ANGPTL4: variants seen among roughly 807,000 people sequenced by gnomAD.
ANGPTL4 encodes the protein angiopoietin-related protein 4.
In ANGPTL4, 39 loss-of-function variants were observed where a neutral mutation model predicts 39.2. The observed-to-expected ratio is 1.00, with a 90% confidence interval of 0.77 to 1.30. ANGPTL4 has a LOEUF of 1.30. Ranked by LOEUF, ANGPTL4 falls within the 50% of genes most tolerant of loss-of-function variation. The probability of loss-of-function intolerance (pLI) is 0.00; values close to 1 mark genes in which losing one functional copy is unlikely to be tolerated. For synonymous variants in ANGPTL4, 233 were observed against 229.5 expected (o/e 1.02, Z -0.14); for missense variants, 545 against 549.8 (o/e 0.99, Z 0.09).
At position 8,371,349 on chromosome 19, in the gene ANGPTL4, TCTC is replaced by T. The variant is rs752633223; in HGVS notation, c.868_870del (p.Ser290del). On this transcript the variant is annotated inframe_deletion, in exon 6 of 7. Coordinates refer to ENST00000301455, the MANE Select transcript of ANGPTL4 (RefSeq NM_139314.3). The surrounding 1 kb of genome is among the most constrained non-coding windows in gnomAD (Gnocchi z 5.1). ...GATGGCAACGCCGAGTTGCTGCAGT[TCTC>T]CGTGCACCTGGGTGGCGAGGACACG... 1.2e-6 allele frequency: 2 copies of T among 1,613,708 alleles called. No homozygotes were observed. Among genetic ancestry groups the T allele is most frequent in the Non-Finnish European group, 1.7e-6 (2 of 1,180,020 alleles).
Position 8,371,008 on chromosome 19 carries a change from T to C in ANGPTL4, c.662-48T>C, listed in dbSNP as rs1411166177. On this transcript the variant is annotated intron_variant, in intron 4 of 6. Transcript: ENST00000301455. This position sits in a 1 kb window ranked among gnomAD's most constrained non-coding sequence, Gnocchi z 5.1. ...TTGGCAGCCAGATGAGGGAGTGGGG[T>C]CGTCTGTGAAGAGGGACTTCCTGGT... is the stretch of plus-strand genomic sequence containing the variant. 6.5e-7 allele frequency: 1 copy of C among 1,549,330 alleles called. No homozygotes were observed. Among genetic ancestry groups the C allele is most frequent in the East Asian group, 2.4e-5 (1 of 41,066 alleles).
chr19:8,372,176 C>G (rs774092063), intron 6 of ANGPTL4, among the ~76,000 whole-genome samples: 1 of 151,852 alleles, frequency 6.6e-6, no homozygotes, highest in South Asian at 2.1e-4. Flanking sequence ...CCTGCCTCAG[C>G]CTCCTGAGTA....
intron 2 of ANGPTL4, 48 bp downstream of exon 2, chr19:8,366,112 C>G: frequency 1.9e-6 from 3 of 1,606,306 alleles, no homozygotes; most frequent in Non-Finnish European, 2.6e-6. Context: ...AGCTGGACCC[C>G]AGGTTGAGAG....
chr19:8,366,630 G>A (rs1294910095), intron 3 of ANGPTL4, among the ~76,000 whole-genome samples: 1 of 152,110 alleles, frequency 6.6e-6, no homozygotes, highest in Non-Finnish European at 1.5e-5. Context: ...TGCTGGAGAA[G>A]GTAGAAATGG....
In ANGPTL4 at chr19:8,371,705, G is replaced by A. The variant is rs2145484237; in HGVS notation, c.1039+183G>A. 6.6e-6 allele frequency among the ~76,000 whole-genome samples: 1 copy of A among 152,186 alleles called. No homozygotes were observed. Among genetic ancestry groups the A allele is most frequent in the Non-Finnish European group, 1.5e-5 (1 of 68,020 alleles). ...GCCTCAGTTTTCCCATCCTGAAAAG[G>A]GTCTTGACCGTCTTTACTTTTATTT... On this transcript the variant is annotated intron_variant, in intron 6 of 6. Transcript: ENST00000301455. The surrounding 1 kb of genome is among the most constrained non-coding windows in gnomAD (Gnocchi z 5.1).
At chr19:8,373,570 CAA>C (rs372784090) in intron 6 of ANGPTL4, 133 bp from the exon 7 acceptor site, 343 of 954,300 alleles carry the variant, frequency 3.6e-4, no homozygotes, top group Non-Finnish European at 4.2e-4. Flanking sequence ...GACTCAATCT[CAA>C]AAAAAAAAAA....
At chr19:8,373,570 CAAA>C in intron 6 of ANGPTL4, 132 bp from the exon 7 acceptor site, 4 of 957,900 alleles carry the variant, frequency 4.2e-6, no homozygotes, top group Non-Finnish European at 3.0e-6. Flanking sequence ...GACTCAATCT[CAAA>C]AAAAAAAAAG....
In ANGPTL4 at chr19:8,371,737, G is replaced by GTGTT. The variant is rs774402134; in HGVS notation, c.1039+221_1039+224dup. On this transcript the variant is annotated intron_variant, in intron 6 of 6. Transcript: ENST00000301455. This position sits in a 1 kb window ranked among gnomAD's most constrained non-coding sequence, Gnocchi z 5.1. ...ACCGTCTTTACTTTTATTTACTTATGTGTTTGTTTATTTATTTATTTATGT... is the reference window on the plus strand; with the variant it reads ...ACCGTCTTTACTTTTATTTACTTATGTGTTTGTTTGTTTATTTATTTATTTATGT... 2.0e-5 allele frequency among the ~76,000 whole-genome samples: 3 copies of GTGTT among 151,936 alleles called. No individual in the cohort carries two copies. The highest frequency in any genetic ancestry group is 7.3e-5 in the African/African-American group (3 of 41,330).
Position 8,364,520 on chromosome 19 carries a change from A to G in ANGPTL4, c.199A>G (p.Ser67Gly). The change falls in exon 1 of 7, where the codon AGC becomes GGC. Residue 67 changes from serine (S) to glycine (G), a missense_variant. Coordinates refer to ENST00000301455, the MANE Select transcript of ANGPTL4 (RefSeq NM_139314.3). ...EHAERTRSQL[S>G]ALERRLSACG... ...CGCGGAGCGCACCCGCAGTCAGCTG[A>G]GCGCGCTGGAGCGGCGCCTGAGCGC... 6.4e-7 allele frequency: 1 copy of G among 1,565,876 alleles called. No homozygotes were observed. The highest frequency in any genetic ancestry group is 8.6e-7 in the Non-Finnish European group (1 of 1,156,512).
rs565710166 is a variant in ANGPTL4, at chr19:8,364,212, C to T, written c.-110C>T. On this transcript the variant is annotated 5_prime_UTR_variant, in exon 1 of 7. Coordinates refer to ENST00000301455, the MANE Select transcript of ANGPTL4 (RefSeq NM_139314.3). Reference sequence around the variant, plus strand: ...GTGATCCGATTCTTTCCAGCGGCTTCTGCAACCAAGCGGGTCTTACCCCCG... The same window carrying T: ...GTGATCCGATTCTTTCCAGCGGCTTTTGCAACCAAGCGGGTCTTACCCCCG... 3.4e-6 allele frequency: 4 copies of T among 1,165,234 alleles called. No individual in the cohort carries two copies. The highest frequency in any genetic ancestry group is 4.8e-6 in the Non-Finnish European group (4 of 840,448). The allele number at this position is 1,165,234 out of a possible 1,614,324, so 72.2% of individuals were successfully genotyped here. A position where few individuals can be genotyped will look rare whatever the true frequency, so the allele number is the denominator to read the frequency against.
chr19:8,373,523 A>C (rs1971166964), intron 6 of ANGPTL4, 182 bp from the exon 7 acceptor site: 1 of 216,860 alleles, frequency 4.6e-6, no homozygotes, highest in African/African-American at 2.4e-5. Flanking sequence ...GTGAGCTGAG[A>C]TCGCACCACT....
chr19:8,369,556 C>G (rs1171671778), intron 4 of ANGPTL4, among the ~76,000 whole-genome samples: 1 of 147,130 alleles, frequency 6.8e-6, no homozygotes, highest in Non-Finnish European at 1.5e-5. Context: ...CGGGTTCAAG[C>G]AATTCTCCAG....
At position 8,364,544 on chromosome 19, in the gene ANGPTL4, G is replaced by A; in HGVS notation, c.223G>A (p.Ala75Thr). ...QLSALERRLS[A>T]CGSACQGTEG... is the part of the protein sequence containing the mutation. The stretch of plus-strand genomic sequence containing the variant: ...GAGCGCGCTGGAGCGGCGCCTGAGC[G>A]CGTGCGGGTCCGCCTGTCAGGGAAC... The change falls in exon 1 of 7, where the codon GCG (alanine) becomes ACG (threonine). Residue 75 changes from alanine (A) to threonine (T), a missense_variant. Physicochemically the swap from Ala to Thr is moderately conservative, Grantham distance 58 (BLOSUM62 0). Coordinates refer to ENST00000301455, the MANE Select transcript of ANGPTL4 (RefSeq NM_139314.3). 1 of 1,574,410 alleles carries A rather than the reference G, an allele frequency of 6.4e-7. No individual in the cohort carries two copies. The highest frequency in any genetic ancestry group is 8.6e-7 in the Non-Finnish European group (1 of 1,161,376).
At chr19:8,369,086 A>C (rs1022897384) in intron 3 of ANGPTL4, 133 bp from the exon 4 acceptor site, 10 of 666,894 alleles carry the variant, frequency 1.5e-5, no homozygotes, top group Non-Finnish European at 2.4e-5. Context: ...GATGGCAGAG[A>C]GGTGGTCATG....
chr19:8,364,380 T>C lies in ANGPTL4; in HGVS notation c.59T>C (p.Leu20Pro), dbSNP rs1438957737. 1.3e-6 allele frequency: 2 copies of C among 1,546,628 alleles called. No individual in the cohort carries two copies. The highest frequency in any genetic ancestry group is 1.2e-5 in the South Asian group (1 of 84,446). ...ATGCTCTGCGCCGCCACCGCCGTGC[T>C]ACTGAGCGCTCAGGGCGGACCCGTG... ...ALMLCAATAV[L>P]LSAQGGPVQS... The change falls in exon 1 of 7, where the codon CTA (leucine) becomes CCA (proline). Residue 20 changes from leucine to proline, a missense_variant. By Grantham distance (98) the Leu-to-Pro change is moderately conservative. Coordinates refer to ENST00000301455, the MANE Select transcript of ANGPTL4 (RefSeq NM_139314.3).
intron 3 of ANGPTL4, among the ~76,000 whole-genome samples, chr19:8,368,778 C>T (rs1001460392): frequency 1.1e-4 from 16 of 152,176 alleles, no homozygotes; most frequent in Non-Finnish European, 2.2e-4. Context: ...TTGCTTGAAC[C>T]TGGGAGGCGG....
At chr19:8,373,617 C>G in intron 6 of ANGPTL4, 88 bp from the exon 7 acceptor site, 2 of 1,584,638 alleles carry the variant, frequency 1.3e-6, no homozygotes, top group Middle Eastern at 2.0e-4. Context: ...CCCCAACCTG[C>G]CTCATCCTCA....
At position 8,373,805 on chromosome 19, in the gene ANGPTL4, G is replaced by C; in HGVS notation, c.1140G>C (p.Trp380Cys). Residue 380 changes from tryptophan to cysteine, a missense_variant, in exon 7 of 7, where the codon TGG becomes TGC. Transcript: ENST00000301455. ...AGAAGCTTAAGAAGGGAATCTTCTG[G>C]AAGACCTGGCGGGGCCGCTACTACC... Reference protein sequence around the residue: ...QRQKLKKGIFWKTWRGRYYPL... With the variant: ...QRQKLKKGIFCKTWRGRYYPL... The C allele has an allele frequency of 6.2e-7, 1 of 1,614,024 alleles. No homozygotes were observed.
intron 6 of ANGPTL4, among the ~76,000 whole-genome samples, chr19:8,372,703 A>C (rs1270537234): frequency 2.0e-5 from 3 of 151,582 alleles, no homozygotes; most frequent in Non-Finnish European, 4.4e-5. Context: ...CTGAGTTGGG[A>C]GGATCTCTTG....
Sources: allele counts gnomAD v4.1 joint callset (sites outside exome capture counted in the v4.1 genomes callset), GRCh38; gene constraint gnomAD v4.1.1; non-coding constraint Gnocchi (gnomAD v3.1); transcripts MANE v1.5; gene names NCBI Gene and HGNC (gene_info 2026-07-23, HGNC 2026-07-21).